The following TLL2 variants were observed in gnomAD, a reference collection of about 807,000 sequenced individuals.
The protein encoded by TLL2 is tolloid-like protein 2.
TLL2 carries 106 observed loss-of-function variants against 123.0 expected under a neutral mutation model. The observed-to-expected ratio is 0.86, with a 90% confidence interval of 0.74 to 1.01. The LOEUF (loss-of-function observed/expected upper bound fraction) is 1.01, where lower values mean the gene tolerates loss of function less well. TLL2 is among the 50% of genes least tolerant of loss of function. The pLI is 0.00. For missense variants in TLL2, 1,332 were observed against 1,336.7 expected, an observed-to-expected ratio of 1.00 and a Z score of 0.06; for synonymous variants, 494 against 516.8, an observed-to-expected ratio of 0.96 and a Z score of 0.60.
At chr10:96,401,648 G>A (rs1037361761) in intron 10 of TLL2, among the ~76,000 whole-genome samples, 1 of 151,280 alleles carries the variant, frequency 6.6e-6, no homozygotes, top group Non-Finnish European at 1.5e-5. Flanking sequence ...ATTCATTAAT[G>A]AAATGTAGCC....
intron 1 of TLL2, among the ~76,000 whole-genome samples, chr10:96,485,942 A>G (rs1468363792): frequency 1.3e-5 from 2 of 151,054 alleles, no homozygotes; most frequent in Non-Finnish European, 2.9e-5. Flanking sequence ...AATCAGGAAT[A>G]CTTCTCAAAC....
At chr10:96,418,736 T>G (rs1423844082) in intron 7 of TLL2, among the ~76,000 whole-genome samples, 1 of 147,184 alleles carries the variant, frequency 6.8e-6, no homozygotes, top group Non-Finnish European at 1.5e-5. Flanking sequence ...TATAAATTAA[T>G]ATATGAATTT....
At chr10:96,418,577 G>T (rs1846588287) in intron 7 of TLL2, among the ~76,000 whole-genome samples, 2 of 152,024 alleles carry the variant, frequency 1.3e-5, no homozygotes, top group Non-Finnish European at 1.5e-5. Context: ...CCTACTAGGT[G>T]CCAGGCACTA....
chr10:96,380,091 C>A (rs931824289), intron 16 of TLL2, among the ~76,000 whole-genome samples: 1 of 152,210 alleles, frequency 6.6e-6, no homozygotes, highest in South Asian at 2.1e-4. Flanking sequence ...GTAATGGTAT[C>A]CTCATTTCAC....
At chr10:96,439,556 T>C (rs1230794819) in intron 3 of TLL2, among the ~76,000 whole-genome samples, 1 of 152,208 alleles carries the variant, frequency 6.6e-6, no homozygotes, top group Admixed American at 6.5e-5. Context: ...GGCTTCCTTC[T>C]GTGAGTTATG....
At chr10:96,396,586 T>C (rs933498126) in intron 11 of TLL2, among the ~76,000 whole-genome samples, 9 of 149,354 alleles carry the variant, frequency 6.0e-5, no homozygotes, top group South Asian at 2.1e-4. Flanking sequence ...CCTTTCTTTT[T>C]TTTTTTTTTT....
chr10:96,402,354 A>C (rs1347127490), intron 10 of TLL2, among the ~76,000 whole-genome samples: 4 of 152,212 alleles, frequency 2.6e-5, no homozygotes, highest in East Asian at 1.9e-4. Context: ...TATAAAGGTA[A>C]ATAGGATCAT....
At chr10:96,437,865 G>A (rs1412223732) in intron 3 of TLL2, among the ~76,000 whole-genome samples, 4 of 152,136 alleles carry the variant, frequency 2.6e-5, no homozygotes, top group East Asian at 1.9e-4. Flanking sequence ...ATTCATGTAC[G>A]GATTTTTGTG....
intron 8 of TLL2, among the ~76,000 whole-genome samples, chr10:96,410,960 G>T (rs1324968954): frequency 6.6e-6 from 1 of 152,084 alleles, no homozygotes; most frequent in Non-Finnish European, 1.5e-5. Context: ...TGCAAGTAGA[G>T]GCCAGGCGTG....
chr10:96,371,761 G>T (rs867980613), intron 19 of TLL2, among the ~76,000 whole-genome samples: 9 of 151,982 alleles, frequency 5.9e-5, no homozygotes, highest in African/African-American at 2.2e-4. Flanking sequence ...CGATGACCCC[G>T]TGCCTTCTGC....
At chr10:96,398,542 G>A (rs1846361715) in intron 10 of TLL2, among the ~76,000 whole-genome samples, 1 of 152,218 alleles carries the variant, frequency 6.6e-6, no homozygotes, top group Admixed American at 6.5e-5. Context: ...TAATACATTT[G>A]TATTTTCTTA....
intron 1 of TLL2, among the ~76,000 whole-genome samples, chr10:96,488,942 G>A (rs1288232189): frequency 6.6e-6 from 1 of 152,198 alleles, no homozygotes; most frequent in Non-Finnish European, 1.5e-5. Context: ...CTGACACAAT[G>A]CGTTCTTCAT....
At chr10:96,373,446 C>T in intron 19 of TLL2, 150 bp downstream of exon 19, 2 of 744,520 alleles carry the variant, frequency 2.7e-6, no homozygotes, top group Non-Finnish European at 4.3e-6. Context: ...CAGCTTGATG[C>T]TTCATTTTAA....
chr10:96,490,641 T>G, intron 1 of TLL2, among the ~76,000 whole-genome samples: 1 of 152,234 alleles, frequency 6.6e-6, no homozygotes. Flanking sequence ...ACAAGTGGAC[T>G]GAACTATACT....
chr10:96,487,302 C>T lies in TLL2; in HGVS notation c.176-6843G>A, dbSNP rs958936899. ...CCTCTCCAACCTCCACTTTGCTCCT[C>T]CTGGTTCCTGTCTCTCTCCCTCCCC... On this transcript the variant is annotated intron_variant, in intron 1 of 20. Coordinates refer to ENST00000357947, the MANE Select transcript of TLL2 (RefSeq NM_012465.4). Among the ~76,000 whole-genome samples the T allele has an allele frequency of 9.2e-5, 14 of 152,190 alleles. 1 individual carries two copies. Among genetic ancestry groups the T allele is most frequent in the Admixed American group, 5.9e-4 (9 of 15,284 alleles).
intron 3 of TLL2, among the ~76,000 whole-genome samples, chr10:96,434,013 G>T (rs1937091): frequency 0.93 from 142,029 of 152,140 alleles, 66,911 homozygotes; most frequent in East Asian, 1. Context: ...GACCTCAAGT[G>T]ATCCACCCGC....
chr10:96,395,133 G>C (rs1304048138), intron 13 of TLL2, 54 bp downstream of exon 13: 8 of 1,526,906 alleles, frequency 5.2e-6, no homozygotes, highest in Non-Finnish European at 6.2e-6. Flanking sequence ...TTAGGCCAGG[G>C]GGAGCAATAT....
Position 96,411,257 on chromosome 10 carries a change from C to CA in TLL2, c.1049-784dup, listed in dbSNP as rs56011735. 2.1e-4 allele frequency among the ~76,000 whole-genome samples: 20 copies of CA among 95,160 alleles called. 2 individuals are homozygous for CA. The highest frequency in any genetic ancestry group is 6.3e-3 in the Middle Eastern group (1 of 158). 62.4% of individuals were successfully genotyped at this position (95,160 alleles called of 152,430 possible). The stretch of plus-strand genomic sequence containing the variant: ...TGGGTGACAGAGTGAGACTCTGTCT[C>CA]AAAAAAAAAAAAAAAAAAAAAAAAA... On this transcript the variant is annotated intron_variant, in intron 8 of 20. Transcript: ENST00000357947.
At chr10:96,428,827 G>T in intron 4 of TLL2, 79 bp from the exon 5 acceptor site, 1 of 992,940 alleles carries the variant, frequency 1.0e-6, no homozygotes, top group Non-Finnish European at 1.5e-6. Context: ...CTTTCAAGAC[G>T]GAGTTTTGCC....
Sources: gnomAD v4.1 joint callset for allele counts (sites outside exome capture counted in the v4.1 genomes callset) on GRCh38, gnomAD v4.1.1 for gene constraint, MANE v1.5 for transcripts, NCBI Gene and HGNC (gene_info 2026-07-23, HGNC 2026-07-21) for gene names.